The following EPB41 variants were observed in gnomAD, a reference collection of about 807,000 sequenced individuals.
EPB41 encodes erythrocyte membrane protein band 4.1, also known as protein 4.1.
EPB41 carries 65 observed loss-of-function variants against 108.0 expected under a neutral mutation model. That is an observed-to-expected ratio of 0.60 (90% CI 0.49 to 0.74). The LOEUF (loss-of-function observed/expected upper bound fraction) is 0.74, where lower values mean the gene tolerates loss of function less well. Ranked by LOEUF, EPB41 falls within the 30% of genes least tolerant of loss-of-function variation. The probability of loss-of-function intolerance (pLI) is 0.00; values close to 1 mark genes in which losing one functional copy is unlikely to be tolerated. For missense variants in EPB41, 875 were observed against 1,037.0 expected (o/e 0.84, Z 2.15); for synonymous variants, 336 against 358.9 (o/e 0.94, Z 0.72).
intron 1 of EPB41, among the ~76,000 whole-genome samples, chr1:28,971,148 G>A (rs577111862): frequency 9.7e-5 from 14 of 144,306 alleles, no homozygotes; most frequent in African/African-American, 2.3e-4. Flanking sequence ...ACACCCGGCC[G>A]CATTTAATCT....
chr1:29,025,831 G>A (rs2096711814), intron 7 of EPB41, among the ~76,000 whole-genome samples: 1 of 151,730 alleles, frequency 6.6e-6, no homozygotes, highest in Admixed American at 6.6e-5. Flanking sequence ...AGCAGAGTGA[G>A]GAGTGGGTCC....
In EPB41 at chr1:29,018,255, A is replaced by G; in HGVS notation, c.937A>G (p.Ile313Val). Reference protein sequence around the residue: ...YYLCLQLRQDIVAGRLPCSFA... With the variant: ...YYLCLQLRQDVVAGRLPCSFA... The stretch of plus-strand genomic sequence containing the variant: ...TTTATGTCTTCAGCTTCGGCAGGAC[A>G]TAGTTGCAGGACGTCTGCCCTGTTC... Residue 313 changes from isoleucine to valine, a missense_variant, in exon 7 of 21, where the codon ATA (isoleucine) becomes GTA (valine). Ile to Val is a conservative substitution (Grantham distance 29). This residue lies in a region of EPB41 where 353 missense variants were observed against 393.2 expected (regional missense o/e 0.90). Transcript: ENST00000343067. This position sits in a 1 kb window ranked among gnomAD's most constrained non-coding sequence, Gnocchi z 4.4. 1 of 1,614,124 alleles carries G rather than the reference A, an allele frequency of 6.2e-7. No homozygotes were observed. The highest frequency in any genetic ancestry group is 8.5e-7 in the Non-Finnish European group (1 of 1,180,036).
chr1:29,116,271 C>T (rs531668), intron 20 of EPB41, among the ~76,000 whole-genome samples: 100,084 of 151,384 alleles, frequency 0.66, 35,168 homozygotes, highest in Non-Finnish European at 0.79. Flanking sequence ...GCCTTAGCCT[C>T]CCAAGAAGGT....
chr1:28,891,983 C>T (rs1374759100), intron 1 of EPB41, among the ~76,000 whole-genome samples: 3 of 148,676 alleles, frequency 2.0e-5, no homozygotes, highest in African/African-American at 7.4e-5. Context: ...ATCCCAGCTA[C>T]TCGGGATGCT....
chr1:29,092,082 C>T (rs1490131263), intron 16 of EPB41, among the ~76,000 whole-genome samples: 1 of 148,016 alleles, frequency 6.8e-6, no homozygotes, highest in Non-Finnish European at 1.5e-5. Flanking sequence ...ATAGGAACAC[C>T]TTCTTACCTT....
intron 1 of EPB41, among the ~76,000 whole-genome samples, chr1:28,945,622 T>C (rs1387008555): frequency 6.6e-6 from 1 of 152,136 alleles, no homozygotes; most frequent in Non-Finnish European, 1.5e-5. Context: ...TAAGTATAAG[T>C]GTTTAATATT....
chr1:28,909,262 A>G (rs1386962030), intron 1 of EPB41, among the ~76,000 whole-genome samples: 1 of 152,046 alleles, frequency 6.6e-6, no homozygotes, highest in East Asian at 1.9e-4. Context: ...TTTTTAACCT[A>G]TAAAATCAGC....
chr1:28,973,121 T>C (rs1450522188), intron 1 of EPB41, among the ~76,000 whole-genome samples: 2 of 152,178 alleles, frequency 1.3e-5, no homozygotes, highest in African/African-American at 4.8e-5. Flanking sequence ...AGAAGCTGTT[T>C]TCTAGCATAG....
In EPB41 at chr1:29,088,045, C is replaced by CTTTT. The variant is rs750809586; in HGVS notation, c.2185-9758_2185-9755dup. 5.3e-5 allele frequency among the ~76,000 whole-genome samples: 7 copies of CTTTT among 131,590 alleles called. 2 individuals carry two copies. Among genetic ancestry groups the CTTTT allele is most frequent in the Non-Finnish European group, 3.3e-5 (2 of 59,906 alleles). The allele number at this position is 131,590 out of a possible 152,430, so 86.3% of individuals were successfully genotyped here. ...CATCTTTTTTCCTTTTTCTTTTTTTCTTTTTTTCTTTTTTTTTTGAGATGG... is the reference window on the plus strand; with the variant it reads ...CATCTTTTTTCCTTTTTCTTTTTTTCTTTTTTTTTTTCTTTTTTTTTTGAGATGG... On this transcript the variant is annotated intron_variant, in intron 16 of 20. Transcript: ENST00000343067.
Position 29,047,253 on chromosome 1 carries a change from C to CTTT in EPB41, c.1637-5837_1637-5835dup, listed in dbSNP as rs755248112. ...TGTTTCTTTTTTCTTTCTTTCTTTC[C>CTTT]TTTTTTTTTTTTTTTTGGAGAGAGA... On this transcript the variant is annotated intron_variant, in intron 11 of 20. Transcript: ENST00000343067. 9.0e-5 allele frequency among the ~76,000 whole-genome samples: 9 copies of CTTT among 100,532 alleles called. 1 individual carries two copies. Among genetic ancestry groups the CTTT allele is most frequent in the African/African-American group, 3.6e-4 (7 of 19,718 alleles). The allele number at this position is 100,532 out of a possible 152,430, so 66.0% of individuals were successfully genotyped here. A position where few individuals can be genotyped will look rare whatever the true frequency, so the allele number is the denominator to read the frequency against.
chr1:28,914,390 AG>A (rs1195557643), upstream of EPB41, among the ~76,000 whole-genome samples: 4 of 151,858 alleles, frequency 2.6e-5, no homozygotes, highest in Non-Finnish European at 1.5e-5. Context: ...GGCCTAGGGG[AG>A]GGGGGAAACA....
At chr1:29,075,348 G>A (rs1653552286) in intron 16 of EPB41, among the ~76,000 whole-genome samples, 1 of 151,598 alleles carries the variant, frequency 6.6e-6, no homozygotes, top group Non-Finnish European at 1.5e-5. Flanking sequence ...TGTGGTATCA[G>A]GCATCTGTAA....
intron 11 of EPB41, chr1:29,041,309 G>C (rs1641460872): frequency 6.6e-6 from 1 of 150,812 alleles, no homozygotes; most frequent in African/African-American, 2.4e-5. Context: ...GCGCAACCCT[G>C]CCTCTACTAA....
At chr1:28,956,480 G>T (rs1322318467) in intron 1 of EPB41, among the ~76,000 whole-genome samples, 2 of 152,184 alleles carry the variant, frequency 1.3e-5, no homozygotes, top group African/African-American at 2.4e-5. Context: ...TATACTGTAG[G>T]TCTCCAAGAA....
At chr1:28,923,386 C>T (rs779185632) in intron 1 of EPB41, among the ~76,000 whole-genome samples, 4 of 152,166 alleles carry the variant, frequency 2.6e-5, no homozygotes, top group East Asian at 1.9e-4. Flanking sequence ...TGAGCCACTG[C>T]GCTTGGCAAC....
At chr1:29,079,889 C>T (rs1367474818) in intron 16 of EPB41, among the ~76,000 whole-genome samples, 3 of 151,538 alleles carry the variant, frequency 2.0e-5, no homozygotes, top group African/African-American at 2.4e-5. Flanking sequence ...TCCAGCTACT[C>T]GGGAGGCTGA....
intron 7 of EPB41, among the ~76,000 whole-genome samples, chr1:29,028,259 A>G (rs2096747010): frequency 6.6e-6 from 1 of 152,208 alleles, no homozygotes; most frequent in Non-Finnish European, 1.5e-5. Context: ...GAGTATAGGG[A>G]AGATTTTATC....
At chr1:28,970,487 C>T (rs571713989) in intron 1 of EPB41, among the ~76,000 whole-genome samples, 1 of 152,222 alleles carries the variant, frequency 6.6e-6, no homozygotes, top group South Asian at 2.1e-4. Context: ...AATCTTCAGG[C>T]TTTGTTTATA....
At chr1:28,937,378 A>C (rs1033862441) in intron 1 of EPB41, among the ~76,000 whole-genome samples, 6 of 152,140 alleles carry the variant, frequency 3.9e-5, no homozygotes, top group Admixed American at 6.5e-5. Context: ...ACGCATTTTA[A>C]AGCACAAAAG....
Sources: allele counts gnomAD v4.1 joint callset (sites outside exome capture counted in the v4.1 genomes callset), GRCh38; gene constraint gnomAD v4.1.1; regional missense constraint gnomAD v4.1.1; non-coding constraint Gnocchi (gnomAD v3.1); transcripts MANE v1.5; gene names NCBI Gene and HGNC (gene_info 2026-07-23, HGNC 2026-07-21).